Variants in CDON observed in about 807,000 individuals in gnomAD.
The protein encoded by CDON is cell adhesion associated, oncogene regulated.
Under a neutral mutation model 120.9 loss-of-function variants are expected in CDON, and 73 were observed. The ratio of observed to expected loss-of-function variants is 0.60; its 90% confidence interval spans 0.50 to 0.73. CDON has a LOEUF of 0.73. Ranked by LOEUF, CDON falls within the 30% of genes least tolerant of loss-of-function variation. CDON has a pLI of 0.00. For missense variants in CDON, 1,470 were observed against 1,587.3 expected (o/e 0.93, Z 1.26); for synonymous variants, 566 against 573.5 (o/e 0.99, Z 0.19).
intron 1 of CDON, among the ~76,000 whole-genome samples, chr11:126,031,363 T>A (rs982279471): frequency 1.3e-5 from 2 of 152,224 alleles, no homozygotes; most frequent in African/African-American, 2.4e-5. Context: ...TCACTTTTTT[T>A]AAAATACAGC....
intron 1 of CDON, among the ~76,000 whole-genome samples, chr11:126,060,270 T>C (rs995079896): frequency 1.5e-4 from 23 of 152,206 alleles, no homozygotes; most frequent in Middle Eastern, 3.2e-3. Flanking sequence ...ATTCTGTTTC[T>C]AATCTAATTA....
At chr11:126,031,072 G>A (rs1258573704) in intron 1 of CDON, among the ~76,000 whole-genome samples, 1 of 152,134 alleles carries the variant, frequency 6.6e-6, no homozygotes, top group African/African-American at 2.4e-5. Flanking sequence ...AAAGAAAAAA[G>A]TCTTAAATGC....
intron 15 of CDON, among the ~76,000 whole-genome samples, chr11:125,988,435 G>C (rs1946529093): frequency 6.6e-6 from 1 of 152,042 alleles, no homozygotes. Context: ...GAGTGCAGTG[G>C]CCCGATCTTG....
chr11:126,004,560 T>A (rs1462938998), intron 9 of CDON: 1 of 165,002 alleles, frequency 6.1e-6, no homozygotes, highest in Non-Finnish European at 1.3e-5. Flanking sequence ...CTTGACACTG[T>A]TCAATATGTG....
At chr11:126,021,196 T>C in intron 3 of CDON, 52 bp downstream of exon 3, 3 of 1,573,958 alleles carry the variant, frequency 1.9e-6, no homozygotes, top group South Asian at 1.1e-5. Context: ...ATATAAGCAC[T>C]AACAGTAATT....
At chr11:125,989,847 G>C in intron 14 of CDON, 88 bp from the exon 15 acceptor site, 6 of 1,254,522 alleles carry the variant, frequency 4.8e-6, no homozygotes, top group Non-Finnish European at 6.8e-6. Context: ...GATGAGGCTG[G>C]AGCAGCATCC....
intron 8 of CDON, among the ~76,000 whole-genome samples, chr11:126,009,221 C>T (rs920241308): frequency 1.3e-5 from 2 of 152,240 alleles, no homozygotes; most frequent in African/African-American, 4.8e-5. Flanking sequence ...CACCACTTCT[C>T]CTCCGCCTCC....
chr11:125,995,321 G>C (rs973177633), intron 12 of CDON, among the ~76,000 whole-genome samples: 5 of 152,122 alleles, frequency 3.3e-5, no homozygotes, highest in Admixed American at 3.3e-4. Context: ...AAAGATTAAT[G>C]ACATCTCAGG....
chr11:125,968,180 A>G (rs2134370416), intron 18 of CDON, among the ~76,000 whole-genome samples: 1 of 152,382 alleles, frequency 6.6e-6, no homozygotes, highest in South Asian at 2.1e-4. Context: ...GAAATTAATA[A>G]CCTGTTTATA....
chr11:125,999,353 G>A (rs1262185597), intron 11 of CDON, among the ~76,000 whole-genome samples: 1 of 152,116 alleles, frequency 6.6e-6, no homozygotes, highest in East Asian at 1.9e-4. Flanking sequence ...TGTTAACAAG[G>A]TAGAAAAGAA....
At chr11:126,055,514 G>T (rs1948660095) in intron 1 of CDON, among the ~76,000 whole-genome samples, 1 of 152,104 alleles carries the variant, frequency 6.6e-6, no homozygotes, top group African/African-American at 2.4e-5. Context: ...ATGTGTACAT[G>T]GTTAAATATC....
intron 16 of CDON, among the ~76,000 whole-genome samples, chr11:125,981,965 A>ATTTTTTTTTT (rs1591562448): frequency 5.8e-5 from 2 of 34,426 alleles, no homozygotes; most frequent in Non-Finnish European, 1.4e-4. Context: ...AAGTGATTCT[A>ATTTTTTTTTT]TTTTCTTTTT....
Position 126,015,484 on chromosome 11 carries a change from G to A in CDON, c.955C>T (p.Gln319Ter). Residue 319 changes from glutamine (Q) to a stop codon, truncating the protein, a stop_gained, in exon 7 of 20, where the codon CAG becomes TAG. Coordinates refer to ENST00000531738, the MANE Select transcript of CDON (RefSeq NM_001378964.1). LOFTEE classifies it high-confidence loss of function. ...GCACCCAGAGACACTATCTGATCCTGTAGTCCTTTAGAAATGGAAGCATGT... is the reference window on the plus strand; with the variant it reads ...GCACCCAGAGACACTATCTGATCCTATAGTCCTTTAGAAATGGAAGCATGT... ...LEHASISKGL[Q>*]DQIVSLGATV... 2 of 1,613,992 alleles carry A rather than the reference G, an allele frequency of 1.2e-6. No homozygotes were observed. Among genetic ancestry groups the A allele is most frequent in the Non-Finnish European group, 1.7e-6 (2 of 1,179,918 alleles).
At chr11:125,984,696 C>CAAA (rs11306066) in intron 15 of CDON, among the ~76,000 whole-genome samples, 1 of 115,412 alleles carries the variant, frequency 8.7e-6, no homozygotes, top group Non-Finnish European at 1.8e-5. Context: ...GATTCTGTCT[C>CAAA]AAAAAAAAAA....
Position 125,957,273 on chromosome 11 carries a change from C to A in CDON, c.*3669G>T, listed in dbSNP as rs1300251093. On this transcript the variant is annotated 3_prime_UTR_variant, in exon 20 of 20. Coordinates refer to ENST00000531738, the MANE Select transcript of CDON (RefSeq NM_001378964.1). ...TAAAACACTTGCCCAAGATCCTGCT[C>A]CTTCAGGGCCTTGATCTCTGCAGTC... The A allele has an allele frequency of 6.6e-6, 1 of 152,212 alleles. No homozygotes were observed. Among genetic ancestry groups the A allele is most frequent in the African/African-American group, 2.4e-5 (1 of 41,420 alleles). The allele number at this position is 152,212 out of a possible 1,614,324, so 9.4% of individuals were successfully genotyped here.
intron 1 of CDON, among the ~76,000 whole-genome samples, chr11:126,053,000 T>C (rs572668337): frequency 2.6e-5 from 4 of 152,164 alleles, no homozygotes; most frequent in African/African-American, 7.2e-5. Context: ...CCACAGGCAA[T>C]AGGGGGTGTC....
At chr11:126,041,129 T>G (rs1450822250) in intron 1 of CDON, among the ~76,000 whole-genome samples, 1 of 148,734 alleles carries the variant, frequency 6.7e-6, no homozygotes. Flanking sequence ...GCAGAGGAGG[T>G]TGCAGTGTGC....
chr11:126,053,811 T>C (rs1259949181), intron 1 of CDON, among the ~76,000 whole-genome samples: 1 of 150,394 alleles, frequency 6.6e-6, no homozygotes, highest in Admixed American at 6.6e-5. Flanking sequence ...CAGAGGTTAC[T>C]GATAAACCCT....
At chr11:125,988,783 A>G (rs1279497743) in intron 15 of CDON, among the ~76,000 whole-genome samples, 1 of 152,224 alleles carries the variant, frequency 6.6e-6, no homozygotes, top group African/African-American at 2.4e-5. Flanking sequence ...AGAATGTTCA[A>G]TTTAGAATCA....
Sources: allele counts gnomAD v4.1 joint callset (sites outside exome capture counted in the v4.1 genomes callset), GRCh38; gene constraint gnomAD v4.1.1; transcripts MANE v1.5; gene names NCBI Gene and HGNC (gene_info 2026-07-23, HGNC 2026-07-21).